ADGRL2: variants seen among roughly 807,000 people sequenced by gnomAD.
ADGRL2 encodes the protein adhesion G protein-coupled receptor L2.
In ADGRL2, 44 loss-of-function variants were observed where a neutral mutation model predicts 157.4. The ratio of observed to expected loss-of-function variants is 0.28; its 90% CI spans 0.22 to 0.36. The LOEUF is 0.36. Ranked by LOEUF, ADGRL2 falls within the 10% of genes least tolerant of loss-of-function variation. The pLI is 1.00. For synonymous variants in ADGRL2, 585 were observed against 624.7 expected, an observed-to-expected ratio of 0.94 and a Z score of 0.95; for missense variants, 1,510 against 1,768.9, an observed-to-expected ratio of 0.85 and a Z score of 2.63.
rs961676440 is a variant in ADGRL2, at chr1:81,501,686, C to T, written c.-248+56597C>T. ...CGCCACCCGAAAACCCGGAGTGCCC[C>T]GCACAGGTTTAGACCCAGTGTGCCT... On this transcript the variant is annotated intron_variant, in intron 2 of 24. Coordinates refer to the ADGRL2 transcript ENST00000370721. 7 of 1,570,358 alleles carry T rather than the reference C, an allele frequency of 4.5e-6. No individual in the cohort carries two copies. The Admixed American group carries it at 5.2e-5, about 12-fold the overall frequency.
chr1:81,472,459 T>C (rs1051578411), intron 2 of ADGRL2, among the ~76,000 whole-genome samples: 1 of 152,134 alleles, frequency 6.6e-6, no homozygotes, highest in Non-Finnish European at 1.5e-5. Context: ...AGTGAAACCC[T>C]GTCTCTACTA....
rs532835932 is a variant in ADGRL2 at position 81,967,665 on chromosome 1, G to A, written c.2350-361G>A. Among the ~76,000 whole-genome samples the A allele has an allele frequency of 2.6e-5, 4 of 152,200 alleles. 1 individual carries two copies. The South Asian group carries it at 8.3e-4, about 32-fold the overall frequency. On this transcript the variant is annotated intron_variant, in intron 13 of 23. Coordinates refer to ENST00000686636, the MANE Select transcript of ADGRL2 (RefSeq NM_001366006.2). ...AAAAATGGGCCCAAAATAGAACATGGATTTTTAAAACATTTGGTCCGTATA... is the reference window on the plus strand; with the variant it reads ...AAAAATGGGCCCAAAATAGAACATGAATTTTTAAAACATTTGGTCCGTATA...
At chr1:81,537,487 C>A (rs968933979) in intron 2 of ADGRL2, among the ~76,000 whole-genome samples, 2 of 151,610 alleles carry the variant, frequency 1.3e-5, no homozygotes, top group East Asian at 3.9e-4. Flanking sequence ...GGTTTCTCCA[C>A]GTTGGTCAGG....
chr1:81,640,493 G>A (rs948509989), intron 3 of ADGRL2, among the ~76,000 whole-genome samples: 18 of 151,958 alleles, frequency 1.2e-4, no homozygotes, highest in African/African-American at 1.7e-4. Context: ...TTAGCTGGGC[G>A]TGGTGGCGGG....
rs112096066 is a variant in ADGRL2, at chr1:81,786,354, G to C, written c.-101+24502G>C. ...GCACTTTGGGAGGCTGACACGGGTGGATCACTTGAGGCCGGGAATTTGAGA... is the reference window on the plus strand; with the variant it reads ...GCACTTTGGGAGGCTGACACGGGTGCATCACTTGAGGCCGGGAATTTGAGA... On this transcript the variant is annotated intron_variant, in intron 2 of 20. Coordinates refer to the ADGRL2 transcript ENST00000359929. Among the ~76,000 whole-genome samples the C allele has an allele frequency of 4.6e-3, 703 of 152,310 alleles. 7 individuals are homozygous for C. The highest frequency in any genetic ancestry group is 0.041 in the South Asian group (198 of 4,826).
At chr1:81,375,257 G>T (rs1333929516) in intron 1 of ADGRL2, among the ~76,000 whole-genome samples, 1 of 152,168 alleles carries the variant, frequency 6.6e-6, no homozygotes, top group African/African-American at 2.4e-5. Context: ...CATAGAGGAG[G>T]TATCAGTATA....
intron 2 of ADGRL2, among the ~76,000 whole-genome samples, chr1:81,451,728 C>T (rs2077706125): frequency 6.6e-6 from 1 of 152,060 alleles, no homozygotes; most frequent in African/African-American, 2.4e-5. Context: ...GGCTTGTTTA[C>T]AAATATAAAT....
At chr1:81,849,066 C>A (rs1320033773) in intron 2 of ADGRL2, among the ~76,000 whole-genome samples, 1 of 151,916 alleles carries the variant, frequency 6.6e-6, no homozygotes, top group Non-Finnish European at 1.5e-5. Context: ...TTCAAAAGCT[C>A]TTACTTTTGT....
intron 1 of ADGRL2, chr1:81,721,797 G>T: frequency 1.6e-6 from 2 of 1,271,408 alleles, no homozygotes; most frequent in Non-Finnish European, 2.3e-6. Context: ...GAGTGGGTGG[G>T]AGCAGGCGGT....
chr1:81,842,644 C>T (rs1001238911), intron 2 of ADGRL2, among the ~76,000 whole-genome samples: 2 of 152,020 alleles, frequency 1.3e-5, no homozygotes, highest in Admixed American at 1.3e-4. Flanking sequence ...GCATGAGACA[C>T]CACACCCAGC....
Position 81,850,037 on chromosome 1 carries a change from C to T in ADGRL2, c.73+12980C>T, listed in dbSNP as rs899315667. Among the ~76,000 whole-genome samples the T allele has an allele frequency of 1.1e-3, 161 of 150,414 alleles. 1 individual carries two copies. The highest frequency in any genetic ancestry group is 1.8e-3 in the Non-Finnish European group (120 of 67,224). On this transcript the variant is annotated intron_variant, in intron 2 of 23. Transcript: ENST00000686636. ...TAGTCAGTGGACAGACTGTTTGACT[C>T]GTCCTGCCGAAATACTCCTCCCCAC...
rs573884267 is a variant in ADGRL2 at position 81,571,444 on chromosome 1, T to TACAC, written c.-247-9426_-247-9423dup. On this transcript the variant is annotated intron_variant, in intron 2 of 24. Transcript: ENST00000370721. ...ATATATGTGTGTGTGTGTATATATA[T>TACAC]ACACACACATATATATATATGGTAG... 1.4e-4 allele frequency among the ~76,000 whole-genome samples: 21 copies of TACAC among 148,628 alleles called. No homozygotes were observed. In the East Asian group the frequency reaches 3.9e-3, roughly 28 times the overall value.
intron 2 of ADGRL2, among the ~76,000 whole-genome samples, chr1:81,851,734 T>TGTGTGTGTGTG (rs2093013305): frequency 1.4e-5 from 2 of 146,338 alleles, no homozygotes; most frequent in Non-Finnish European, 3.0e-5. Flanking sequence ...CCACTTAAAT[T>TGTGTGTGTGTG]TGTGTGTGTG....
rs749897834 is a variant in ADGRL2, at chr1:81,986,881, G to GT, written c.3509-8dup. ...ATGTACTTTTCTCTGTTTTTTTGTT[G>GT]TTTTTTTTTTTTACTTTAGGAATGA... On this transcript the variant is annotated intron_variant, in intron 21 of 23. Transcript: ENST00000686636. 52,776 of 998,164 alleles carry GT rather than the reference G, an allele frequency of 0.053. No individual in the cohort carries two copies. Among genetic ancestry groups the GT allele is most frequent in the South Asian group, 0.061 (3,401 of 55,382 alleles). 61.8% of individuals were successfully genotyped at this position (998,164 alleles called of 1,614,324 possible). A position where few individuals can be genotyped will look rare whatever the true frequency, so the allele number is the denominator to read the frequency against.
At chr1:81,843,166 T>C (rs2092662541) in intron 2 of ADGRL2, among the ~76,000 whole-genome samples, 1 of 152,176 alleles carries the variant, frequency 6.6e-6, no homozygotes, top group Non-Finnish European at 1.5e-5. Flanking sequence ...GGTGTCTTGC[T>C]GTGTTGCTCA....
chr1:81,652,765 A>C (rs1381671237), intron 3 of ADGRL2, among the ~76,000 whole-genome samples: 1 of 152,182 alleles, frequency 6.6e-6, no homozygotes, highest in Non-Finnish European at 1.5e-5. Context: ...AGGGCACCCT[A>C]CAAGCTTCCG....
At chr1:81,856,391 T>G (rs1306138260) in intron 2 of ADGRL2, among the ~76,000 whole-genome samples, 2 of 152,012 alleles carry the variant, frequency 1.3e-5, no homozygotes, top group Non-Finnish European at 2.9e-5. Context: ...CGTATGGGCT[T>G]CTTCTTTTTG....
chr1:81,426,906 C>T (rs1557680814), intron 1 of ADGRL2: 5 of 682,908 alleles, frequency 7.3e-6, no homozygotes, highest in South Asian at 4.2e-5. Context: ...TATGGCAAGA[C>T]TGAAACCATG....
chr1:81,910,244 C>CAACAAT (rs1553187026), intron 3 of ADGRL2, among the ~76,000 whole-genome samples: 8 of 143,056 alleles, frequency 5.6e-5, no homozygotes, highest in South Asian at 2.3e-4. Flanking sequence ...GCCTAAAAAA[C>CAACAAT]AATAATAATA....
Sources: gnomAD v4.1 joint callset for allele counts (sites outside exome capture counted in the v4.1 genomes callset) on GRCh38, gnomAD v4.1.1 for gene constraint, MANE v1.5 for transcripts, NCBI Gene and HGNC (gene_info 2026-07-23, HGNC 2026-07-21) for gene names.